AZIN1: variants seen among roughly 807,000 people sequenced by gnomAD.
The protein encoded by AZIN1 is antizyme inhibitor 1.
Under a neutral mutation model 47.4 loss-of-function variants are expected in AZIN1, and 12 were observed. The ratio of observed to expected loss-of-function variants is 0.25; its 90% CI spans 0.16 to 0.41. The LOEUF (loss-of-function observed/expected upper bound fraction) is 0.41. Ranked by LOEUF, AZIN1 falls within the 10% of genes least tolerant of loss-of-function variation. The pLI is 1.00. For synonymous variants in AZIN1, 155 were observed against 176.3 expected (o/e 0.88, Z 0.96); for missense variants, 410 against 532.4 (o/e 0.77, Z 2.26).
chr8:102,830,820 G>A (rs770412817), intron 9 of AZIN1, among the ~76,000 whole-genome samples: 9 of 152,166 alleles, frequency 5.9e-5, no homozygotes, highest in Non-Finnish European at 1.3e-4. Context: ...AGCAACCAGA[G>A]CTCACATGTA....
chr8:102,859,703 G>A (rs1290557945), intron 1 of AZIN1, among the ~76,000 whole-genome samples: 1 of 152,168 alleles, frequency 6.6e-6, no homozygotes, highest in African/African-American at 2.4e-5. Context: ...GGGCATGGCG[G>A]TGCACACCTG....
intron 2 of AZIN1, among the ~76,000 whole-genome samples, chr8:102,851,112 A>T (rs901427575): frequency 1.3e-5 from 2 of 152,198 alleles, no homozygotes; most frequent in Non-Finnish European, 2.9e-5. Flanking sequence ...GTGTGTACTA[A>T]AGTGTGTGTG....
In AZIN1 at chr8:102,839,730, A is replaced by G. The variant is rs769989798; in HGVS notation, c.196T>C (p.Tyr66His). ...QNVVAQIKPF[Y>H]TVKCNSAPAV... is the part of the protein sequence containing the mutation. ...GGAGCAGAGTTGCACTTCACTGTGT[A>G]GAATGGCTTTATCTGAGCCACTACA... is the stretch of plus-strand genomic sequence containing the variant. Residue 66 changes from tyrosine (Y) to histidine (H), a missense_variant, in exon 4 of 12, where the codon TAC (tyrosine) becomes CAC (histidine). Physicochemically the swap from Tyr to His is moderately conservative, Grantham distance 83 (BLOSUM62 2). Around this residue, in one of 3 missense-constraint regions of AZIN1, gnomAD observed 237 missense variants for 309.4 expected, o/e 0.77. Transcript: ENST00000337198. 6.2e-7 allele frequency: 1 copy of G among 1,611,032 alleles called. No homozygotes were observed.
intron 6 of AZIN1, among the ~76,000 whole-genome samples, chr8:102,835,962 A>G (rs1359755794): frequency 6.6e-6 from 1 of 152,168 alleles, no homozygotes; most frequent in Non-Finnish European, 1.5e-5. Context: ...ATCCCCTCCC[A>G]TCCAATTTAA....
At chr8:102,830,281 G>T (rs1370761798) in intron 9 of AZIN1, 1 of 169,152 alleles carries the variant, frequency 5.9e-6, no homozygotes, top group African/African-American at 2.4e-5. Flanking sequence ...AGCTACTTGG[G>T]AGGCTGAGGC....
intron 9 of AZIN1, among the ~76,000 whole-genome samples, chr8:102,832,744 G>T (rs1200138731): frequency 6.6e-6 from 1 of 151,900 alleles, no homozygotes; most frequent in Non-Finnish European, 1.5e-5. Flanking sequence ...GGATTCAAGC[G>T]ATTTTTGTGC....
At position 102,838,771 on chromosome 8, in the gene AZIN1, T is replaced by C; in HGVS notation, c.422A>G (p.Lys141Arg). 6.2e-7 allele frequency: 1 copy of C among 1,612,968 alleles called. No homozygotes were observed. The highest frequency in any genetic ancestry group is 1.1e-5 in the South Asian group (1 of 90,616). The change falls in exon 5 of 12, where the codon AAA (lysine) becomes AGA (arginine). Residue 141 changes from lysine (K) to arginine (R), a missense_variant. Lys to Arg is a conservative substitution (Grantham distance 26). Around this residue, in one of 3 missense-constraint regions of AZIN1, gnomAD observed 237 missense variants for 309.4 expected, o/e 0.77. Transcript: ENST00000337198. ...LTCDNEIELKKIARNHPNAKV... is the reference protein window; with the variant it reads ...LTCDNEIELKRIARNHPNAKV... ...GGCATTTGGGTGATTACGTGCAATT[T>C]TCTTCAATTCAATTTCATTGTCACA...
chr8:102,829,786 G>A, intron 10 of AZIN1, 35 bp downstream of exon 10: 1 of 1,465,188 alleles, frequency 6.8e-7, no homozygotes, highest in Non-Finnish European at 9.5e-7. Flanking sequence ...CTTATAAAAT[G>A]CCAAATAGGT....
chr8:102,854,060 T>C (rs1452545270), intron 2 of AZIN1, among the ~76,000 whole-genome samples: 2 of 151,798 alleles, frequency 1.3e-5, no homozygotes, highest in East Asian at 2.0e-4. Flanking sequence ...TCAGCCTCCC[T>C]AGTAGCTGGG....
In AZIN1 at chr8:102,843,593, G is replaced by T; in HGVS notation, c.60C>A (p.Asn20Lys). The T allele has an allele frequency of 6.2e-7, 1 of 1,613,996 alleles. No homozygotes were observed. The highest frequency in any genetic ancestry group is 8.5e-7 in the Non-Finnish European group (1 of 1,179,948). Residue 20 changes from asparagine (N) to lysine (K), a missense_variant, in exon 3 of 12, where the codon AAC becomes AAA. By Grantham distance (94) the Asn-to-Lys change is moderately conservative. Around this residue, in one of 3 missense-constraint regions of AZIN1, gnomAD observed 237 missense variants for 309.4 expected, o/e 0.77. Coordinates refer to ENST00000337198, the MANE Select transcript of AZIN1 (RefSeq NM_148174.4). ...YSVGLLDEGT[N>K]LGNVIDNYVY... ...CATAGTTATCAATAACATTTCCAAG[G>T]TTTGTTCCTTCATCCAACAGGCCAA...
At chr8:102,850,362 A>G (rs934948250) in intron 2 of AZIN1, among the ~76,000 whole-genome samples, 2 of 152,138 alleles carry the variant, frequency 1.3e-5, no homozygotes, top group South Asian at 2.1e-4. Context: ...ATGACTTAGC[A>G]CCCAGCTCAC....
intron 9 of AZIN1, 34 bp downstream of exon 9, chr8:102,833,022 C>T: frequency 6.5e-7 from 1 of 1,546,488 alleles, no homozygotes; most frequent in East Asian, 2.3e-5. Flanking sequence ...AATTATCTAC[C>T]AACAAAAATA....
chr8:102,848,731 G>C (rs1812740397), intron 2 of AZIN1, among the ~76,000 whole-genome samples: 1 of 152,080 alleles, frequency 6.6e-6, no homozygotes, highest in African/African-American at 2.4e-5. Flanking sequence ...TGGGATCACT[G>C]CTTGCAGTTT....
intron 2 of AZIN1, among the ~76,000 whole-genome samples, chr8:102,854,113 A>G (rs1339080403): frequency 6.6e-6 from 1 of 151,804 alleles, no homozygotes; most frequent in African/African-American, 2.4e-5. Flanking sequence ...TTATTTTTGT[A>G]TTTTTAGTAG....
chr8:102,845,951 TC>T (rs1812543326), intron 2 of AZIN1, among the ~76,000 whole-genome samples: 1 of 152,188 alleles, frequency 6.6e-6, no homozygotes, highest in Non-Finnish European at 1.5e-5. Context: ...GGGCTTGCTG[TC>T]TATGTCTTTT....
intron 1 of AZIN1, among the ~76,000 whole-genome samples, chr8:102,860,215 AGAGGGCTCG>A (rs1813541940): frequency 6.6e-6 from 1 of 152,258 alleles, no homozygotes; most frequent in Non-Finnish European, 1.5e-5. Context: ...AATAGCACAG[AGAGGGCTCG>A]GTTGGTCAGT....
intron 6 of AZIN1, 32 bp downstream of exon 6, chr8:102,836,224 C>T (rs964196265): frequency 1.9e-6 from 3 of 1,597,398 alleles, no homozygotes; most frequent in Admixed American, 1.7e-5. Context: ...ATAAAATGTT[C>T]ACAGCTTTAA....
intron 2 of AZIN1, among the ~76,000 whole-genome samples, chr8:102,849,631 G>A (rs934549632): frequency 6.6e-6 from 1 of 152,034 alleles, no homozygotes; most frequent in Non-Finnish European, 1.5e-5. Flanking sequence ...ATAGACACTA[G>A]AAAGTATTCT....
chr8:102,831,994 GCCT>G, intron 9 of AZIN1, among the ~76,000 whole-genome samples: 1 of 152,208 alleles, frequency 6.6e-6, no homozygotes, highest in East Asian at 1.9e-4. Context: ...ACTATCATGT[GCCT>G]CCTAACATGA....
Sources: gnomAD v4.1 joint callset for allele counts (sites outside exome capture counted in the v4.1 genomes callset) on GRCh38, gnomAD v4.1.1 for gene constraint, gnomAD v4.1.1 regional missense constraint, MANE v1.5 for transcripts, NCBI Gene and HGNC (gene_info 2026-07-23, HGNC 2026-07-21) for gene names.